Variants in RAPGEF2 observed in about 807,000 individuals in gnomAD.
RAPGEF2 encodes PDZ domain containing guanine nucleotide exchange factor (GEF) 1.
A neutral mutation model predicts 186.7 loss-of-function variants in RAPGEF2; 54 were observed. The observed-to-expected ratio is 0.29, with a 90% CI of 0.23 to 0.36. The LOEUF (loss-of-function observed/expected upper bound fraction) is 0.36, where lower values mean the gene tolerates loss of function less well. RAPGEF2 is among the 10% of genes least tolerant of loss of function. The pLI, the probability that RAPGEF2 is intolerant of heterozygous loss-of-function variation, is 1.00. For synonymous variants in RAPGEF2, 712 were observed against 705.9 expected (o/e 1.01, Z -0.14); for missense variants, 1,532 against 2,045.0 (o/e 0.75, Z 4.84).
At chr4:159,214,470 C>G (rs1750819175) in intron 4 of RAPGEF2, among the ~76,000 whole-genome samples, 1 of 151,856 alleles carries the variant, frequency 6.6e-6, no homozygotes, top group Admixed American at 6.6e-5. Context: ...GCTATTGTAC[C>G]TAATGGATAG....
chr4:159,247,820 A>G (rs535586919), intron 7 of RAPGEF2, among the ~76,000 whole-genome samples: 8 of 135,998 alleles, frequency 5.9e-5, no homozygotes, highest in South Asian at 2.2e-4. Context: ...CTGGAGTGCA[A>G]TGGTGCAATC....
chr4:159,196,583 C>T (rs1379615873), intron 3 of RAPGEF2, among the ~76,000 whole-genome samples: 1 of 152,120 alleles, frequency 6.6e-6, no homozygotes. Flanking sequence ...AATGTGGAAC[C>T]GATAATAATA....
At chr4:159,115,967 C>A (rs898963538) in intron 1 of RAPGEF2, among the ~76,000 whole-genome samples, 1 of 152,034 alleles carries the variant, frequency 6.6e-6, no homozygotes, top group African/African-American at 2.4e-5. Flanking sequence ...AATGTAAAAC[C>A]CACAACTATA....
intron 8 of RAPGEF2, among the ~76,000 whole-genome samples, chr4:159,308,668 G>C (rs1763594374): frequency 6.6e-6 from 1 of 152,204 alleles, no homozygotes; most frequent in South Asian, 2.1e-4. Context: ...GTACACCAGG[G>C]AGATATGGAT....
intron 1 of RAPGEF2, among the ~76,000 whole-genome samples, chr4:159,141,700 C>T (rs994545863): frequency 2.0e-5 from 3 of 152,118 alleles, no homozygotes; most frequent in African/African-American, 4.8e-5. Flanking sequence ...TCCATGCCAG[C>T]GATGGATTTT....
chr4:159,228,410 T>G (rs1315849904), intron 4 of RAPGEF2: 1 of 152,212 alleles, frequency 6.6e-6, no homozygotes, highest in African/African-American at 2.4e-5. Flanking sequence ...GTATCGAATG[T>G]TTAGTGCTTG....
At position 159,321,578 on chromosome 4, in the gene RAPGEF2, G is replaced by A. The variant is rs146878937; in HGVS notation, c.854-769G>A. ...CTCCCTATGAAATGAAAAAGAAAAC[G>A]CACTTCACAGAGCCATGGTGAGGAG... On this transcript the variant is annotated intron_variant, in intron 9 of 29. Transcript: ENST00000691494. Among the ~76,000 whole-genome samples, 225 of 152,178 alleles carry A rather than the reference G, an allele frequency of 1.5e-3. 1 individual carries two copies. The highest frequency in any genetic ancestry group is 2.1e-3 in the Non-Finnish European group (146 of 67,988).
chr4:159,202,782 A>G (rs1749584372), intron 3 of RAPGEF2, among the ~76,000 whole-genome samples: 1 of 152,058 alleles, frequency 6.6e-6, no homozygotes, highest in African/African-American at 2.4e-5. Context: ...TTGTATTTTT[A>G]GTAGAGACGG....
At chr4:159,130,309 G>A (rs896289547) in intron 1 of RAPGEF2, among the ~76,000 whole-genome samples, 3 of 152,188 alleles carry the variant, frequency 2.0e-5, no homozygotes, top group African/African-American at 7.2e-5. Flanking sequence ...TGGGAATGCA[G>A]TCCAGTAGGT....
intron 3 of RAPGEF2, among the ~76,000 whole-genome samples, chr4:159,193,616 G>A (rs1748339934): frequency 6.6e-6 from 1 of 152,142 alleles, no homozygotes; most frequent in South Asian, 2.1e-4. Flanking sequence ...TAGCATAAAG[G>A]CCATATTTTA....
At chr4:159,297,690 G>A (rs1376120580) in intron 7 of RAPGEF2, among the ~76,000 whole-genome samples, 1 of 152,192 alleles carries the variant, frequency 6.6e-6, no homozygotes, top group East Asian at 1.9e-4. Flanking sequence ...AGGTATGACA[G>A]TGTCAAAACA....
chr4:159,285,099 T>C (rs537412159), intron 7 of RAPGEF2, among the ~76,000 whole-genome samples: 1 of 152,174 alleles, frequency 6.6e-6, no homozygotes, highest in Non-Finnish European at 1.5e-5. Context: ...TTTCCACCTC[T>C]ATTACTTTTT....
intron 1 of RAPGEF2, among the ~76,000 whole-genome samples, chr4:159,122,324 C>G (rs945549353): frequency 6.6e-6 from 1 of 151,638 alleles, no homozygotes; most frequent in African/African-American, 2.4e-5. Context: ...ACTAAAAATA[C>G]AAAAATTAGT....
chr4:159,164,072 T>C (rs1745012258), intron 1 of RAPGEF2, among the ~76,000 whole-genome samples: 1 of 151,752 alleles, frequency 6.6e-6, no homozygotes, highest in Non-Finnish European at 1.5e-5. Context: ...TGGCGCAATC[T>C]CAGCTCACTG....
intron 7 of RAPGEF2, among the ~76,000 whole-genome samples, chr4:159,302,333 C>G (rs959971320): frequency 2.2e-5 from 2 of 92,762 alleles, no homozygotes; most frequent in African/African-American, 1.2e-4. Context: ...TCATTTGACA[C>G]GTTAATTTTT....
chr4:159,244,747 A>G (rs1466572452), intron 7 of RAPGEF2, among the ~76,000 whole-genome samples: 2 of 151,960 alleles, frequency 1.3e-5, no homozygotes, highest in East Asian at 3.8e-4. Flanking sequence ...AATTTTATGT[A>G]TAATTTTTCG....
chr4:159,108,252 A>G (rs1198061872), intron 1 of RAPGEF2, among the ~76,000 whole-genome samples: 2 of 152,236 alleles, frequency 1.3e-5, no homozygotes, highest in Non-Finnish European at 2.9e-5. Flanking sequence ...AGTAATTAAC[A>G]GTTCCATAAT....
At chr4:159,142,294 C>T (rs1238511926) in intron 1 of RAPGEF2, among the ~76,000 whole-genome samples, 2 of 152,066 alleles carry the variant, frequency 1.3e-5, no homozygotes, top group Non-Finnish European at 2.9e-5. Context: ...GAACATTTTT[C>T]TTGTGTATGT....
At chr4:159,309,761 G>T (rs1436444902) in intron 8 of RAPGEF2, among the ~76,000 whole-genome samples, 1 of 152,134 alleles carries the variant, frequency 6.6e-6, no homozygotes, top group Non-Finnish European at 1.5e-5. Flanking sequence ...AGGCAAACCG[G>T]AAATAGTTGT....
Sources: allele counts gnomAD v4.1 joint callset (sites outside exome capture counted in the v4.1 genomes callset), GRCh38; gene constraint gnomAD v4.1.1; transcripts MANE v1.5; gene names NCBI Gene and HGNC (gene_info 2026-07-23, HGNC 2026-07-21).